The following ZNF141 variants were observed in gnomAD, a reference collection of about 807,000 sequenced individuals.
The protein encoded by ZNF141 is zinc finger protein 141, also known as zinc finger protein 141 (clone pHZ-44).
In ZNF141, 7 loss-of-function variants were observed where a neutral mutation model predicts 11.3. The ratio of observed to expected loss-of-function variants is 0.62; its 90% CI spans 0.35 to 1.16. The LOEUF (loss-of-function observed/expected upper bound fraction) is 1.16, where lower values mean the gene tolerates loss of function less well. Among genes scored for constraint, ZNF141 ranks in the 50% most tolerant of loss-of-function variants. The pLI, the probability that ZNF141 is intolerant of heterozygous loss-of-function variation, is 0.02. For missense variants in ZNF141, 535 were observed against 554.0 expected (o/e 0.97, Z 0.34); for synonymous variants, 183 against 190.7 (o/e 0.96, Z 0.33).
chr4:379,984 A>G lies in ZNF141; in HGVS notation c.*6122A>G, dbSNP rs1712541187. Among the ~76,000 whole-genome samples the G allele has an allele frequency of 6.6e-6, 1 of 152,208 alleles. No homozygotes were observed. The highest frequency in any genetic ancestry group is 6.5e-5 in the Admixed American group (1 of 15,284). On this transcript the variant is annotated 3_prime_UTR_variant, in exon 4 of 4. Coordinates refer to ENST00000240499, the MANE Select transcript of ZNF141 (RefSeq NM_003441.4). ...GTTAACTGTAGTCACCATGCTGTACAATAGATTTCTTGAATTTATTCCTCC... is the reference window on the plus strand; with the variant it reads ...GTTAACTGTAGTCACCATGCTGTACGATAGATTTCTTGAATTTATTCCTCC...
At position 384,360 on chromosome 4, in the gene ZNF141, G is replaced by A. The variant is rs1412593866; in HGVS notation, c.*10498G>A. 1 of 152,238 alleles carries A rather than the reference G, an allele frequency of 6.6e-6. No homozygotes were observed. The highest frequency in any genetic ancestry group is 1.5e-5 in the Non-Finnish European group (1 of 68,112). The allele number at this position is 152,238 out of a possible 1,614,324, so 9.4% of individuals were successfully genotyped here. On this transcript the variant is annotated 3_prime_UTR_variant, in exon 4 of 4. Transcript: ENST00000240499. ...ACCCCTGAGAAAGGAGGCAGAGGCTGGTTAGGAAGATAGGGAGGGAAGGTC... is the reference window on the plus strand; with the variant it reads ...ACCCCTGAGAAAGGAGGCAGAGGCTAGTTAGGAAGATAGGGAGGGAAGGTC...
intron 3 of ZNF141, among the ~76,000 whole-genome samples, chr4:354,672 T>C (rs1173463367): frequency 1.3e-5 from 2 of 152,052 alleles, no homozygotes; most frequent in East Asian, 3.8e-4. Flanking sequence ...ATTTTTAAAA[T>C]ATAAAATATA....
chr4:360,176 G>A (rs1722040737), intron 3 of ZNF141, among the ~76,000 whole-genome samples: 1 of 152,166 alleles, frequency 6.6e-6, no homozygotes, highest in African/African-American at 2.4e-5. Context: ...AGGTTGTTTT[G>A]TCAGGGCTTA....
chr4:362,929 C>T (rs1370666928), intron 3 of ZNF141, among the ~76,000 whole-genome samples: 1 of 152,134 alleles, frequency 6.6e-6, no homozygotes, highest in East Asian at 1.9e-4. Flanking sequence ...TCATTGGTAG[C>T]TTGATGAGGA....
At chr4:359,836 G>A (rs564308873) in intron 3 of ZNF141, among the ~76,000 whole-genome samples, 1 of 152,114 alleles carries the variant, frequency 6.6e-6, no homozygotes, top group Non-Finnish European at 1.5e-5. Flanking sequence ...TTCTGTCTGT[G>A]GGTCCCTGTG....
At position 382,509 on chromosome 4, in the gene ZNF141, G is replaced by C. The variant is rs1712708797; in HGVS notation, c.*8647G>C. 1 of 152,192 alleles carries C rather than the reference G, an allele frequency of 6.6e-6. No individual in the cohort carries two copies. The highest frequency in any genetic ancestry group is 2.4e-5 in the African/African-American group (1 of 41,446). The allele number at this position is 152,192 out of a possible 1,614,324, so 9.4% of individuals were successfully genotyped here. ...AAAAATGCAAAGAATTTGTAGGTAT[G>C]ATTAGTGCATTATAGGTGTTTTCAA... On this transcript the variant is annotated 3_prime_UTR_variant, in exon 4 of 4. Coordinates refer to ENST00000240499, the MANE Select transcript of ZNF141 (RefSeq NM_003441.4).
In ZNF141 at chr4:369,760, A is replaced by ATTTTTTT. The variant is rs1240893040; in HGVS notation, c.227-2903_227-2902insTTTTTTT. 1.4e-3 allele frequency among the ~76,000 whole-genome samples: 49 copies of ATTTTTTT among 34,058 alleles called. 1 individual carries two copies. The highest frequency in any genetic ancestry group is 9.2e-3 in the African/African-American group (46 of 4,974). The allele number at this position is 34,058 out of a possible 152,430, so 22.3% of individuals were successfully genotyped here. On this transcript the variant is annotated intron_variant, in intron 3 of 3. Coordinates refer to ENST00000240499, the MANE Select transcript of ZNF141 (RefSeq NM_003441.4). Reference sequence around the variant, plus strand: ...GAGATATATATATATATATATATATATATATTTTTTTTTTTTTTTTTTTTG... The same window carrying ATTTTTTT: ...GAGATATATATATATATATATATATATTTTTTTTATATTTTTTTTTTTTTTTTTTTTG...
At chr4:363,589 T>C (rs1264075733) in intron 3 of ZNF141, among the ~76,000 whole-genome samples, 2 of 151,982 alleles carry the variant, frequency 1.3e-5, no homozygotes, top group Non-Finnish European at 2.9e-5. Flanking sequence ...ACCTCGTCTG[T>C]ACTAAAAAAA....
intron 3 of ZNF141, among the ~76,000 whole-genome samples, chr4:345,058 G>A (rs1721254859): frequency 6.6e-6 from 1 of 152,128 alleles, no homozygotes; most frequent in Non-Finnish European, 1.5e-5. Flanking sequence ...GAATATTTGT[G>A]TTACTGAGGA....
chr4:339,614 C>T (rs1175499596), intron 1 of ZNF141, among the ~76,000 whole-genome samples: 9 of 152,194 alleles, frequency 5.9e-5, no homozygotes, highest in African/African-American at 1.9e-4. Flanking sequence ...TTACTCTTCT[C>T]CCTTAAAGCA....
intron 3 of ZNF141, among the ~76,000 whole-genome samples, chr4:360,723 A>G (rs958028680): frequency 9.2e-5 from 14 of 152,334 alleles, no homozygotes; most frequent in Middle Eastern, 3.4e-3. Context: ...AAAAAAATAT[A>G]CATAAATATA....
At chr4:361,032 T>C (rs1313436438) in intron 3 of ZNF141, among the ~76,000 whole-genome samples, 1 of 152,200 alleles carries the variant, frequency 6.6e-6, no homozygotes, top group Admixed American at 6.5e-5. Context: ...TTGAAGGTGA[T>C]TTTTGAAAAA....
chr4:373,815 T>G lies in ZNF141; in HGVS notation c.1378T>G (p.Phe460Val). 1 of 1,613,088 alleles carries G rather than the reference T, an allele frequency of 6.2e-7. No individual in the cohort carries two copies. Among genetic ancestry groups the G allele is most frequent in the Non-Finnish European group, 8.5e-7 (1 of 1,179,352 alleles). Residue 460 changes from phenylalanine to valine, a missense_variant, in exon 4 of 4, where the codon TTT (phenylalanine) becomes GTT (valine). Transcript: ENST00000240499. ...PYKCKDCDKA[F>V]KRFSHLNKHK... is the part of the protein sequence containing the mutation. ...CAAATGTAAAGATTGTGACAAAGCC[T>G]TTAAACGGTTCTCACACCTGAATAA...
chr4:369,754 A>ATTTTTTT (rs1560196750), intron 3 of ZNF141, among the ~76,000 whole-genome samples: 1 of 35,498 alleles, frequency 2.8e-5, no homozygotes, highest in African/African-American at 1.5e-4. Flanking sequence ...ATATATATAT[A>ATTTTTTT]TATATATATA....
chr4:361,947 T>C (rs1259684044), intron 3 of ZNF141, among the ~76,000 whole-genome samples: 2 of 152,224 alleles, frequency 1.3e-5, no homozygotes, highest in African/African-American at 2.4e-5. Context: ...CTTGAGGAAT[T>C]GCCACACTGT....
intron 1 of ZNF141, 52 bp from the exon 2 acceptor site, chr4:343,730 A>T (rs1721173925): frequency 7.7e-7 from 1 of 1,295,124 alleles, no homozygotes; most frequent in East Asian, 3.5e-5. Flanking sequence ...GTCTCAAAAA[A>T]AAAAAAAAAA....
rs782707741 is a variant in ZNF141, at chr4:344,407, A to G, written c.203A>G (p.His68Arg). The G allele has an allele frequency of 3.1e-6, 5 of 1,606,908 alleles. No homozygotes were observed. Among genetic ancestry groups the G allele is most frequent in the South Asian group, 1.1e-5 (1 of 91,032 alleles). Residue 68 changes from histidine to arginine, a missense_variant, in exon 3 of 4, where the codon CAT becomes CGT. Transcript: ENST00000240499. ...QRKEPYNVKI[H>R]KIVARPPAMC... Reference sequence around the variant, plus strand: ...AAAGAGCCCTACAATGTGAAGATACATAAGATCGTAGCCAGACCCCCAGGT... The same window carrying G: ...AAAGAGCCCTACAATGTGAAGATACGTAAGATCGTAGCCAGACCCCCAGGT...
chr4:365,488 AT>A, intron 3 of ZNF141, among the ~76,000 whole-genome samples: 1 of 150,528 alleles, frequency 6.6e-6, no homozygotes, highest in South Asian at 2.1e-4. Flanking sequence ...TCTCTGCTCT[AT>A]TTTTAAATTG....
chr4:362,906 T>G (rs1259826602), intron 3 of ZNF141, among the ~76,000 whole-genome samples: 1 of 152,218 alleles, frequency 6.6e-6, no homozygotes, highest in Non-Finnish European at 1.5e-5. Flanking sequence ...TTTTTCCAGT[T>G]CTGTGAAGAA....
Sources: gnomAD v4.1 joint callset for allele counts (sites outside exome capture counted in the v4.1 genomes callset) on GRCh38, gnomAD v4.1.1 for gene constraint, MANE v1.5 for transcripts, NCBI Gene and HGNC (gene_info 2026-07-23, HGNC 2026-07-21) for gene names.